Variants in PIP5K1B observed in about 807,000 individuals in gnomAD.
The protein encoded by PIP5K1B is phosphatidylinositol-4-phosphate 5-kinase type 1 beta.
Under a neutral mutation model 67.0 loss-of-function variants are expected in PIP5K1B, and 42 were observed. The observed-to-expected ratio is 0.63, with a 90% confidence interval of 0.49 to 0.81. The LOEUF (loss-of-function observed/expected upper bound fraction) is 0.81, where lower values mean the gene tolerates loss of function less well. PIP5K1B is among the 30% of genes least tolerant of loss of function. The pLI is 0.00. For synonymous variants in PIP5K1B, 214 were observed against 231.4 expected (o/e 0.92, Z 0.68); for missense variants, 459 against 646.3 (o/e 0.71, Z 3.14).
chr9:68,719,199 G>A lies in PIP5K1B; in HGVS notation c.-243+13437G>A, dbSNP rs1424741017. On this transcript the variant is annotated intron_variant, in intron 1 of 15. Transcript: ENST00000265382. ...TTTTTCTTTCTTTTTGTAACATATT[G>A]ATAATGTGTTTACTATATTATGGTC... Among the ~76,000 whole-genome samples, 2 of 152,024 alleles carry A rather than the reference G, an allele frequency of 1.3e-5. 1 individual carries two copies. The highest frequency in any genetic ancestry group is 3.8e-4 in the East Asian group (2 of 5,204).
intron 8 of PIP5K1B, among the ~76,000 whole-genome samples, chr9:68,905,907 G>A (rs1015212565): frequency 3.3e-5 from 5 of 152,074 alleles, no homozygotes; most frequent in African/African-American, 1.2e-4. Context: ...CACGTATATG[G>A]CTCTTCATCC....
At chr9:68,838,556 T>G (rs1021411206) in intron 4 of PIP5K1B, among the ~76,000 whole-genome samples, 1 of 152,220 alleles carries the variant, frequency 6.6e-6, no homozygotes, top group Admixed American at 6.5e-5. Flanking sequence ...AAAGTTTTTT[T>G]CTGCCTCCAA....
intron 2 of PIP5K1B, among the ~76,000 whole-genome samples, chr9:68,747,666 A>T (rs1364781775): frequency 6.6e-6 from 1 of 152,204 alleles, no homozygotes; most frequent in African/African-American, 2.4e-5. Context: ...TACTTTAGTT[A>T]AAAAATCAGA....
chr9:68,941,426 C>T (rs1827556289), intron 14 of PIP5K1B, among the ~76,000 whole-genome samples: 1 of 152,158 alleles, frequency 6.6e-6, no homozygotes, highest in Non-Finnish European at 1.5e-5. Flanking sequence ...AGGCAGGATA[C>T]TCCATTTGCC....
At chr9:68,992,839 CAAAAAAAAAAA>C (rs201517701) in intron 15 of PIP5K1B, among the ~76,000 whole-genome samples, 7 of 57,554 alleles carry the variant, frequency 1.2e-4, no homozygotes, top group African/African-American at 1.9e-4. Context: ...GACCCTGTCT[CAAAAAAAAAAA>C]AAAAAAAAAA....
chr9:68,753,515 CTTT>C (rs71500334), intron 2 of PIP5K1B, among the ~76,000 whole-genome samples: 3 of 38,276 alleles, frequency 7.8e-5, no homozygotes, highest in Admixed American at 4.9e-4. Context: ...AATTTTGTTT[CTTT>C]TTTTTTTTTT....
At chr9:68,723,773 G>A (rs1461985568) in intron 1 of PIP5K1B, among the ~76,000 whole-genome samples, 1 of 130,744 alleles carries the variant, frequency 7.6e-6, no homozygotes, top group African/African-American at 2.8e-5. Flanking sequence ...CTTGTCAAAT[G>A]GATAAATGGA....
At chr9:68,971,763 A>G (rs924560860) in intron 14 of PIP5K1B, among the ~76,000 whole-genome samples, 1 of 151,992 alleles carries the variant, frequency 6.6e-6, no homozygotes, top group African/African-American at 2.4e-5. Context: ...GCTTTTTTTC[A>G]TGTTTGTTGG....
intron 2 of PIP5K1B, among the ~76,000 whole-genome samples, chr9:68,799,883 A>T (rs1396335815): frequency 6.6e-6 from 1 of 152,220 alleles, no homozygotes; most frequent in Admixed American, 6.5e-5. Flanking sequence ...AAGTGGACAG[A>T]TAGGACTAGG....
intron 15 of PIP5K1B, among the ~76,000 whole-genome samples, chr9:68,993,270 C>G (rs751167200): frequency 6.6e-6 from 1 of 152,180 alleles, no homozygotes; most frequent in African/African-American, 2.4e-5. Context: ...TCTAGCCACA[C>G]TGGCCTCCTT....
intron 2 of PIP5K1B, among the ~76,000 whole-genome samples, chr9:68,758,810 A>T (rs531203058): frequency 3.3e-4 from 50 of 152,216 alleles, no homozygotes; most frequent in African/African-American, 1.1e-3. Flanking sequence ...ACTGAAACAC[A>T]TCATCATCAA....
At chr9:68,920,793 T>TACACACACACACACACAC (rs879535374) in intron 11 of PIP5K1B, among the ~76,000 whole-genome samples, 3 of 133,790 alleles carry the variant, frequency 2.2e-5, no homozygotes, top group African/African-American at 8.7e-5. Flanking sequence ...CTCACACACA[T>TACACACACACACACACAC]ACACACACAT....
intron 15 of PIP5K1B, among the ~76,000 whole-genome samples, chr9:69,006,970 A>G (rs1309269426): frequency 6.6e-6 from 1 of 152,168 alleles, no homozygotes; most frequent in Non-Finnish European, 1.5e-5. Context: ...CACCTTAAAG[A>G]CAGCTATCCT....
chr9:68,804,344 A>G (rs1832753557), intron 2 of PIP5K1B, among the ~76,000 whole-genome samples: 1 of 152,130 alleles, frequency 6.6e-6, no homozygotes, highest in African/African-American at 2.4e-5. Context: ...TCAGAGAGGG[A>G]CAAAGATGGG....
At chr9:68,708,509 CATGTCATCTATGTT>C in intron 1 of PIP5K1B, among the ~76,000 whole-genome samples, 1 of 151,470 alleles carries the variant, frequency 6.6e-6, no homozygotes, top group East Asian at 2.0e-4. Context: ...ACAGTAGACT[CATGTCATCTATGTT>C]ATGCTCTTTT....
chr9:68,910,695 T>C (rs1156807716), intron 8 of PIP5K1B, among the ~76,000 whole-genome samples: 1 of 152,212 alleles, frequency 6.6e-6, no homozygotes, highest in African/African-American at 2.4e-5. Context: ...AATAATGTGC[T>C]TGGGTCTTCA....
At chr9:68,770,276 C>CCGACTTCA (rs1173295291) in intron 2 of PIP5K1B, among the ~76,000 whole-genome samples, 16 of 152,210 alleles carry the variant, frequency 1.1e-4, no homozygotes, top group Non-Finnish European at 2.2e-4. Context: ...AGCTAAGCCT[C>CCGACTTCA]CGACTTCATT....
chr9:68,824,329 A>G (rs1239787253), intron 4 of PIP5K1B: 12 of 509,128 alleles, frequency 2.4e-5, no homozygotes, highest in Middle Eastern at 3.2e-4. Flanking sequence ...ATGACATCTC[A>G]GAGTTTGCTA....
At chr9:68,866,779 A>G (rs1823379599) in intron 5 of PIP5K1B, among the ~76,000 whole-genome samples, 1 of 152,172 alleles carries the variant, frequency 6.6e-6, no homozygotes, top group South Asian at 2.1e-4. Context: ...TTGTGAGGGA[A>G]TGTTCTGTGT....
Sources: gnomAD v4.1 joint callset for allele counts (sites outside exome capture counted in the v4.1 genomes callset) on GRCh38, gnomAD v4.1.1 for gene constraint, MANE v1.5 for transcripts, NCBI Gene and HGNC (gene_info 2026-07-23, HGNC 2026-07-21) for gene names.